BRSK2: variants seen among roughly 807,000 people sequenced by gnomAD.
BRSK2 encodes BR serine/threonine kinase 2.
BRSK2 carries 19 observed loss-of-function variants against 83.3 expected under a neutral mutation model. That is an observed-to-expected ratio of 0.23 (90% CI 0.16 to 0.33). BRSK2 has a LOEUF of 0.33. Among genes scored for constraint, BRSK2 ranks in the 10% least tolerant of loss-of-function variants. The pLI is 1.00. For synonymous variants in BRSK2, 519 were observed against 435.4 expected (o/e 1.19, Z -2.39); for missense variants, 798 against 1,042.3 (o/e 0.77, Z 3.23).
rs1433716236 is a variant in BRSK2, at chr11:1,461,039, G to T, written c.*316G>T. The T allele has an allele frequency of 6.2e-7, 1 of 1,609,774 alleles. No homozygotes were observed. Among genetic ancestry groups the T allele is most frequent in the Non-Finnish European group, 8.5e-7 (1 of 1,178,402 alleles). On this transcript the variant is annotated 3_prime_UTR_variant, in exon 20 of 20. Coordinates refer to ENST00000528841, the MANE Select transcript of BRSK2 (RefSeq NM_001256627.2). ...TCTGTGACCGAAGGCAGCTGCTGCG[G>T]ACCCGCCCTCCCTCCGCTCCTGCTG...
At position 1,461,299 on chromosome 11, in the gene BRSK2, C is replaced by T. The variant is rs2133328305; in HGVS notation, c.*576C>T. ...CACAGGAACAGGCCCCGTCCACCGC[C>T]TCCACGCCGCACCTGGAGGCCTCCT... is the stretch of plus-strand genomic sequence containing the variant. On this transcript the variant is annotated 3_prime_UTR_variant, in exon 20 of 20. Coordinates refer to ENST00000528841, the MANE Select transcript of BRSK2 (RefSeq NM_001256627.2). 2.2e-6 allele frequency: 1 copy of T among 457,548 alleles called. No individual in the cohort carries two copies. Among genetic ancestry groups the T allele is most frequent in the East Asian group, 4.5e-5 (1 of 22,054 alleles). 28.3% of individuals were successfully genotyped at this position (457,548 alleles called of 1,614,324 possible).
At chr11:1,400,786 CTG>C in intron 1 of BRSK2, among the ~76,000 whole-genome samples, 1 of 152,368 alleles carries the variant, frequency 6.6e-6, no homozygotes, top group East Asian at 1.9e-4. Context: ...ACCCCGGACA[CTG>C]TGGCACTGGG....
intron 1 of BRSK2, among the ~76,000 whole-genome samples, chr11:1,421,135 C>T (rs577745205): frequency 1.4e-4 from 22 of 152,278 alleles, no homozygotes; most frequent in Non-Finnish European, 2.6e-4. Context: ...CTGGTACAGT[C>T]CCAGGCTGTG....
At chr11:1,396,372 G>A (rs574686237) in intron 1 of BRSK2, among the ~76,000 whole-genome samples, 150 of 152,258 alleles carry the variant, frequency 9.9e-4, no homozygotes, top group Non-Finnish European at 1.4e-3. Flanking sequence ...TGCTCGGACC[G>A]GCTCCCGGAC....
chr11:1,400,869 T>G (rs887547274), intron 1 of BRSK2, among the ~76,000 whole-genome samples: 7 of 152,196 alleles, frequency 4.6e-5, no homozygotes. Flanking sequence ...CCCAGGCTCC[T>G]CGTGGTGCTG....
intron 10 of BRSK2, 35 bp from the exon 11 acceptor site, chr11:1,445,536 G>T: frequency 1.3e-6 from 2 of 1,597,638 alleles, no homozygotes; most frequent in Non-Finnish European, 1.7e-6. Flanking sequence ...GCGGCCCCGT[G>T]TGCCAGCGCG....
rs756744631 is a variant in BRSK2 at position 1,451,408 on chromosome 11, G to T, written c.1533G>T (p.Glu511Asp). 6.2e-7 allele frequency: 1 copy of T among 1,612,952 alleles called. No homozygotes were observed. Among genetic ancestry groups the T allele is most frequent in the Non-Finnish European group, 8.5e-7 (1 of 1,179,916 alleles). The change falls in exon 15 of 20, where the codon GAG (glutamate) becomes GAT (aspartate). Residue 511 changes from glutamate to aspartate, a missense_variant. Physicochemically the swap from Glu to Asp is conservative, Grantham distance 45. Coordinates refer to ENST00000528841, the MANE Select transcript of BRSK2 (RefSeq NM_001256627.2). ...TPEEMSNLTPESSPELAKKSW... is the reference protein window; with the variant it reads ...TPEEMSNLTPDSSPELAKKSW... ...AGGAGATGTCCAACCTGACACCAGA[G>T]TCGTCCCCAGAGTAAGTGGCCCCTG... is the stretch of plus-strand genomic sequence containing the variant.
chr11:1,402,456 G>A (rs954222996), intron 1 of BRSK2, among the ~76,000 whole-genome samples: 2 of 152,224 alleles, frequency 1.3e-5, no homozygotes, highest in African/African-American at 2.4e-5. Context: ...AACCTTGTCC[G>A]TGCCTGAGCC....
At chr11:1,459,282 TCAC>T (rs779101560) in intron 19 of BRSK2, 43 bp downstream of exon 19, 1 of 1,608,072 alleles carries the variant, frequency 6.2e-7, no homozygotes, top group Non-Finnish European at 8.5e-7. Flanking sequence ...ACCTGCCACT[TCAC>T]CGCTCACCCT....
chr11:1,422,518 A>G (rs10833729), intron 1 of BRSK2, among the ~76,000 whole-genome samples: 107,706 of 151,906 alleles, frequency 0.71, 38,757 homozygotes, highest in Non-Finnish European at 0.76. Context: ...GGGCCTGTGC[A>G]CCTCCTGAGT....
At chr11:1,408,877 G>A (rs1267737157) in intron 1 of BRSK2, among the ~76,000 whole-genome samples, 3 of 151,166 alleles carry the variant, frequency 2.0e-5, no homozygotes, top group East Asian at 1.9e-4. Context: ...GTACAGGGGT[G>A]TGTATGTCTG....
chr11:1,458,234 G>A (rs537780337), intron 18 of BRSK2, among the ~76,000 whole-genome samples: 3 of 152,180 alleles, frequency 2.0e-5, no homozygotes, highest in South Asian at 2.1e-4. Context: ...TGTAGGCAAA[G>A]CTCCCCCAGC....
At chr11:1,411,080 G>T (rs1847438041) in intron 1 of BRSK2, 4 of 1,146,746 alleles carry the variant, frequency 3.5e-6, no homozygotes, top group Non-Finnish European at 4.3e-6. Flanking sequence ...GGAGGAGGGG[G>T]CGGGCTTTGG....
At chr11:1,426,935 G>A (rs1024318913) in intron 1 of BRSK2, among the ~76,000 whole-genome samples, 10 of 152,116 alleles carry the variant, frequency 6.6e-5, no homozygotes, top group African/African-American at 2.4e-4. Context: ...AGATGGGGGG[G>A]CGGCACCCCA....
rs747979395 is a variant in BRSK2, at chr11:1,449,849, C to T, written c.1287+13C>T. 1.9e-6 allele frequency: 3 copies of T among 1,598,326 alleles called. No individual in the cohort carries two copies. In the Admixed American group the frequency reaches 5.0e-5, roughly 27 times the overall value. ...CAGCAGCCCCCGGGTGAGTGACCCC[C>T]CGCCCCCACCCAGCTCGGATGCACA... On this transcript the variant is annotated intron_variant, in intron 13 of 19. Coordinates refer to ENST00000528841, the MANE Select transcript of BRSK2 (RefSeq NM_001256627.2).
chr11:1,459,988 C>T (rs1314727487), intron 19 of BRSK2, among the ~76,000 whole-genome samples: 1 of 152,154 alleles, frequency 6.6e-6, no homozygotes, highest in Admixed American at 6.5e-5. Context: ...CAGCAGCTGC[C>T]CCCAGGGTCC....
At chr11:1,448,005 G>GC in intron 12 of BRSK2, 1 of 852,360 alleles carries the variant, frequency 1.2e-6, no homozygotes, top group Non-Finnish European at 1.8e-6. Context: ...AGCAAGCCAG[G>GC]CAAGGGCCCG....
chr11:1,444,752 C>T (rs1011156462), intron 8 of BRSK2, among the ~76,000 whole-genome samples: 2 of 149,334 alleles, frequency 1.3e-5, no homozygotes, highest in East Asian at 2.0e-4. Context: ...TGTGTGTTTT[C>T]TTCTCCACTT....
chr11:1,408,504 C>A (rs1174397177), intron 1 of BRSK2, among the ~76,000 whole-genome samples: 1 of 152,198 alleles, frequency 6.6e-6, no homozygotes, highest in African/African-American at 2.4e-5. Context: ...TGCCACGTCC[C>A]CCCATCTTCC....
Sources: allele counts gnomAD v4.1 joint callset (sites outside exome capture counted in the v4.1 genomes callset), GRCh38; gene constraint gnomAD v4.1.1; transcripts MANE v1.5; gene names NCBI Gene and HGNC (gene_info 2026-07-23, HGNC 2026-07-21).